Variants in MTRF1 observed in about 807,000 individuals in gnomAD.
MTRF1 encodes peptide chain release factor 1, mitochondrial.
Under a neutral mutation model 62.9 loss-of-function variants are expected in MTRF1, and 51 were observed. That is an observed-to-expected ratio of 0.81 (90% CI 0.65 to 1.02). The LOEUF is 1.02. Ranked by LOEUF, MTRF1 falls within the 50% of genes least tolerant of loss-of-function variation. The probability of loss-of-function intolerance (pLI) is 0.00; values close to 1 mark genes in which losing one functional copy is unlikely to be tolerated. For synonymous variants in MTRF1, 158 were observed against 181.9 expected (o/e 0.87, Z 1.06); for missense variants, 446 against 530.0 (o/e 0.84, Z 1.56).
intron 7 of MTRF1, among the ~76,000 whole-genome samples, chr13:41,228,895 T>C (rs181445118): frequency 6.4e-4 from 97 of 152,346 alleles, no homozygotes; most frequent in Admixed American, 2.2e-3. Flanking sequence ...GTTCCTAGTC[T>C]AAGGTCTTAG....
the MTRF1 span, among the ~76,000 whole-genome samples, chr13:41,273,213 T>C: frequency 4.0e-5 from 6 of 151,618 alleles, no homozygotes; most frequent in African/African-American, 7.3e-5. Context: ...GTAGTCCCAG[T>C]TGCTCGGGAG....
chr13:41,303,501 A>G, the MTRF1 span, among the ~76,000 whole-genome samples: 1 of 152,236 alleles, frequency 6.6e-6, no homozygotes, highest in African/African-American at 2.4e-5. Flanking sequence ...TATCTAGATA[A>G]TCTACATTTA....
At chr13:41,286,685 C>T in the MTRF1 span, among the ~76,000 whole-genome samples, 47 of 152,192 alleles carry the variant, frequency 3.1e-4, no homozygotes, top group African/African-American at 1.1e-3. Context: ...CACTCCAGTA[C>T]ACCCACAACT....
intron 5 of MTRF1, among the ~76,000 whole-genome samples, chr13:41,249,281 C>T (rs2038709289): frequency 6.6e-6 from 1 of 152,190 alleles, no homozygotes; most frequent in Non-Finnish European, 1.5e-5. Flanking sequence ...GTGGCTCACG[C>T]CTGTAATCCC....
At chr13:41,300,312 A>T in the MTRF1 span, among the ~76,000 whole-genome samples, 2 of 152,178 alleles carry the variant, frequency 1.3e-5, no homozygotes, top group Middle Eastern at 6.8e-3. Context: ...AGAGGCTGGG[A>T]GCCGTGGCTC....
chr13:41,219,998 C>CAAAAAAAAA (rs71086550), intron 9 of MTRF1, among the ~76,000 whole-genome samples: 5 of 70,354 alleles, frequency 7.1e-5, no homozygotes, highest in South Asian at 5.9e-4. Context: ...ACCTCTGTCT[C>CAAAAAAAAA]AAAAAAAAAA....
At chr13:41,265,390 C>T (rs1207390483), upstream of MTRF1, among the ~76,000 whole-genome samples, 3 of 150,940 alleles carry the variant, frequency 2.0e-5, no homozygotes, top group Non-Finnish European at 2.9e-5. Flanking sequence ...CATTGCACTC[C>T]AGCCTGGGCA....
At chr13:41,282,150 A>G in the MTRF1 span, among the ~76,000 whole-genome samples, 13 of 151,198 alleles carry the variant, frequency 8.6e-5, no homozygotes, top group African/African-American at 2.4e-4. Context: ...AAAAAAAAAA[A>G]AAAGAAAATA....
the MTRF1 span, among the ~76,000 whole-genome samples, chr13:41,299,223 A>G: frequency 6.6e-6 from 1 of 151,728 alleles, no homozygotes; most frequent in African/African-American, 2.4e-5. Context: ...GAGAGAGAGA[A>G]AGAGGAGCTG....
the MTRF1 span, among the ~76,000 whole-genome samples, chr13:41,268,680 T>C: frequency 6.6e-6 from 1 of 151,792 alleles, no homozygotes; most frequent in East Asian, 1.9e-4. Context: ...TGAAGAAGAG[T>C]GTTCCTATTT....
At chr13:41,296,418 T>C in the MTRF1 span, among the ~76,000 whole-genome samples, 156 of 152,350 alleles carry the variant, frequency 1.0e-3, no homozygotes, top group African/African-American at 3.6e-3. Flanking sequence ...TTGACATCTT[T>C]GGCAGATTTC....
chr13:41,260,897 T>C lies in MTRF1; in HGVS notation c.11A>G (p.His4Arg), dbSNP rs767406842. 3 of 1,601,418 alleles carry C rather than the reference T, an allele frequency of 1.9e-6. No homozygotes were observed. The highest frequency in any genetic ancestry group is 2.6e-6 in the Non-Finnish European group (3 of 1,171,976). The change falls in exon 2 of 10, where the codon CAC (histidine) becomes CGC (arginine). Residue 4 changes from histidine to arginine, a missense_variant. Transcript: ENST00000379480. ...ATGTCTAAAAAGCCAAACACACAGG[T>C]GACGATTCATCTCAGCATCTGAAAT... MNR[H>R]LCVWLFRHPS... is the part of the protein sequence containing the mutation.
chr13:41,245,090 A>G (rs897912702), intron 5 of MTRF1, among the ~76,000 whole-genome samples: 1 of 152,022 alleles, frequency 6.6e-6, no homozygotes, highest in Non-Finnish European at 1.5e-5. Flanking sequence ...CTTTTTAACT[A>G]CTACTTTCTT....
At chr13:41,257,813 A>G (rs1480119552) in intron 2 of MTRF1, 23 of 446,136 alleles carry the variant, frequency 5.2e-5, no homozygotes, top group Middle Eastern at 3.4e-4. Context: ...AGAAACAAAA[A>G]GGGGGAGGGG....
intron 6 of MTRF1, chr13:41,236,120 GT>G (rs397757094): frequency 1.4e-5 from 2 of 146,746 alleles, no homozygotes; most frequent in East Asian, 2.0e-4. Context: ...GTTTTTTTTG[GT>G]TTTTTTTTGG....
At chr13:41,298,139 T>C in the MTRF1 span, among the ~76,000 whole-genome samples, 143 of 152,330 alleles carry the variant, frequency 9.4e-4, 1 homozygote, top group African/African-American at 2.9e-3. Context: ...TTTTGGAACT[T>C]ATTAGGTTAG....
chr13:41,258,616 A>G (rs1016929166), intron 2 of MTRF1, among the ~76,000 whole-genome samples: 4 of 151,784 alleles, frequency 2.6e-5, no homozygotes, highest in African/African-American at 9.7e-5. Context: ...CATATACAAA[A>G]ATAACTAAAA....
At chr13:41,299,788 A>G in the MTRF1 span, among the ~76,000 whole-genome samples, 2 of 151,950 alleles carry the variant, frequency 1.3e-5, no homozygotes, top group African/African-American at 4.8e-5. Context: ...CTTCTGAATG[A>G]GAGAAATGTT....
At chr13:41,237,980 G>A (rs1390295519) in intron 6 of MTRF1, among the ~76,000 whole-genome samples, 1 of 152,160 alleles carries the variant, frequency 6.6e-6, no homozygotes, top group Non-Finnish European at 1.5e-5. Context: ...ACGGAGAGAT[G>A]TAAACACAAA....
Sources: allele counts gnomAD v4.1 joint callset (sites outside exome capture counted in the v4.1 genomes callset), GRCh38; gene constraint gnomAD v4.1.1; transcripts MANE v1.5; gene names NCBI Gene and HGNC (gene_info 2026-07-23, HGNC 2026-07-21).